ZNF503: variants seen among roughly 807,000 people sequenced by gnomAD.
The protein encoded by ZNF503 is zinc finger protein 503, also known as NocA-like zinc finger 2.
In ZNF503, 15 loss-of-function variants were observed where a neutral mutation model predicts 34.4. The observed-to-expected ratio is 0.44, with a 90% CI of 0.29 to 0.67. The LOEUF (loss-of-function observed/expected upper bound fraction) is 0.67, where lower values mean the gene tolerates loss of function less well. Among genes scored for constraint, ZNF503 ranks in the 30% least tolerant of loss-of-function variants. The probability of loss-of-function intolerance (pLI) is 0.13; values close to 1 mark genes in which losing one functional copy is unlikely to be tolerated. For synonymous variants in ZNF503, 580 were observed against 456.8 expected (o/e 1.27, Z -3.44); for missense variants, 1,007 against 926.8 (o/e 1.09, Z -1.12).
the ZNF503 span, among the ~76,000 whole-genome samples, chr10:75,378,442 G>A: frequency 6.6e-6 from 1 of 152,036 alleles, no homozygotes; most frequent in East Asian, 1.9e-4. Flanking sequence ...AGCTCCCATG[G>A]CTTATGCTTC....
the ZNF503 span, among the ~76,000 whole-genome samples, chr10:75,332,016 AT>A: frequency 2.0e-5 from 3 of 151,842 alleles, no homozygotes; most frequent in Non-Finnish European, 4.4e-5. Flanking sequence ...TTCTTGGAAT[AT>A]CTTTTTCTAG....
the ZNF503 span, among the ~76,000 whole-genome samples, chr10:75,337,270 A>C: frequency 1.3e-5 from 2 of 151,838 alleles, no homozygotes; most frequent in Admixed American, 1.3e-4. Context: ...CCAAGGTTGC[A>C]GTGAGCCGAG....
chr10:75,341,570 G>C, the ZNF503 span, among the ~76,000 whole-genome samples: 3 of 152,108 alleles, frequency 2.0e-5, no homozygotes. Flanking sequence ...GGTTGGCTGA[G>C]AATTGCTAGA....
the ZNF503 span, among the ~76,000 whole-genome samples, chr10:75,354,047 A>C: frequency 6.6e-6 from 1 of 152,324 alleles, no homozygotes; most frequent in South Asian, 2.1e-4. Flanking sequence ...TGTCTTCAGG[A>C]GTCTGTGCTA....
chr10:75,377,823 C>T, the ZNF503 span, among the ~76,000 whole-genome samples: 4 of 152,118 alleles, frequency 2.6e-5, no homozygotes, highest in African/African-American at 7.2e-5. Context: ...AAAGAAATGC[C>T]TAAGAGTGGG....
At chr10:75,340,305 C>T in the ZNF503 span, among the ~76,000 whole-genome samples, 1 of 152,158 alleles carries the variant, frequency 6.6e-6, no homozygotes, top group South Asian at 2.1e-4. Context: ...ACTTTCAACT[C>T]TACTGGTGGG....
At chr10:75,395,077 G>GC (rs1843681626), downstream of ZNF503, among the ~76,000 whole-genome samples, 1 of 152,348 alleles carries the variant, frequency 6.6e-6, no homozygotes, top group South Asian at 2.1e-4. The surrounding 1 kb of genome is among the most constrained non-coding windows in gnomAD (Gnocchi z 4.4). Flanking sequence ...AATGGGATGA[G>GC]CAGCCCTTGG....
the ZNF503 span, among the ~76,000 whole-genome samples, chr10:75,333,463 C>G: frequency 1.8e-5 from 1 of 55,400 alleles, no homozygotes; most frequent in Non-Finnish European, 3.5e-5. Context: ...GGGGGGCTGA[C>G]CCCCCCACCT....
chr10:75,388,401 G>A, the ZNF503 span, among the ~76,000 whole-genome samples: 1 of 152,170 alleles, frequency 6.6e-6, no homozygotes, highest in African/African-American at 2.4e-5. Context: ...TATGGCTGTT[G>A]GGAGCCAGTA....
chr10:75,371,691 T>C, the ZNF503 span, among the ~76,000 whole-genome samples: 653 of 152,128 alleles, frequency 4.3e-3, 8 homozygotes, highest in African/African-American at 0.014. Context: ...CACGTGGGGG[T>C]GAAGTCCATT....
the ZNF503 span, among the ~76,000 whole-genome samples, chr10:75,384,768 C>A: frequency 1.3e-5 from 2 of 152,208 alleles, no homozygotes; most frequent in East Asian, 1.9e-4. Context: ...GGGCCACATT[C>A]CCTCTTGAGC....
At chr10:75,283,042 T>C in the ZNF503 span, among the ~76,000 whole-genome samples, 1 of 152,190 alleles carries the variant, frequency 6.6e-6, no homozygotes, top group Non-Finnish European at 1.5e-5. Flanking sequence ...TCAAATATAA[T>C]TTGATAGTTC....
At chr10:75,400,421 T>C (rs2131990824) in intron 1 of ZNF503, 47 bp from the exon 2 acceptor site, 1 of 1,548,812 alleles carries the variant, frequency 6.5e-7, no homozygotes, top group East Asian at 2.3e-5. Context: ...GAGAAAGAAG[T>C]GGAAACCCTT....
the ZNF503 span, among the ~76,000 whole-genome samples, chr10:75,289,983 A>G: frequency 7.9e-5 from 12 of 152,146 alleles, no homozygotes; most frequent in Non-Finnish European, 1.6e-4. Context: ...CTCTGTACCC[A>G]CTAAACAATA....
chr10:75,299,412 A>G, the ZNF503 span, among the ~76,000 whole-genome samples: 3 of 151,996 alleles, frequency 2.0e-5, no homozygotes, highest in African/African-American at 7.2e-5. Flanking sequence ...GAGCTATTGA[A>G]CTTTCTGAGT....
the ZNF503 span, among the ~76,000 whole-genome samples, chr10:75,383,026 A>T: frequency 3.9e-5 from 6 of 152,074 alleles, no homozygotes; most frequent in Admixed American, 6.5e-5. Context: ...TTCTTCCCCT[A>T]GGCTTCCTAA....
At chr10:75,324,015 G>T in the ZNF503 span, among the ~76,000 whole-genome samples, 1 of 148,722 alleles carries the variant, frequency 6.7e-6, no homozygotes, top group African/African-American at 2.5e-5. Flanking sequence ...AAAAAAAAAG[G>T]GTTGCTTGTT....
At chr10:75,397,265 G>A (rs1333735853), downstream of ZNF503, among the ~76,000 whole-genome samples, 2 of 152,190 alleles carry the variant, frequency 1.3e-5, no homozygotes, top group African/African-American at 4.8e-5. Context: ...AGAAGGCCCT[G>A]GGCAGCCAGA....
Position 75,398,679 on chromosome 10 carries a change from A to AT in ZNF503, c.*69dup, listed in dbSNP as rs1239185257. 5 of 1,293,240 alleles carry AT rather than the reference A, an allele frequency of 3.9e-6. No homozygotes were observed. In the African/African-American group the frequency reaches 7.8e-5, roughly 20 times the overall value. The allele number at this position is 1,293,240 out of a possible 1,614,324, so 80.1% of individuals were successfully genotyped here. A position where few individuals can be genotyped will look rare whatever the true frequency, so the allele number is the denominator to read the frequency against. On this transcript the variant is annotated 3_prime_UTR_variant, in exon 2 of 2. Transcript: ENST00000372524. ...GCGGGTGTCAGCAGCCTGGGCCGTG[A>AT]TCCCGCCTCTCCCTGGACTCCTCCC...
Sources: allele counts gnomAD v4.1 joint callset (sites outside exome capture counted in the v4.1 genomes callset), GRCh38; gene constraint gnomAD v4.1.1; non-coding constraint Gnocchi (gnomAD v3.1); transcripts MANE v1.5; gene names NCBI Gene and HGNC (gene_info 2026-07-23, HGNC 2026-07-21).